Variants in LAMA3 observed in about 807,000 individuals in gnomAD.
LAMA3 encodes the protein laminin subunit alpha-3.
A neutral mutation model predicts 402.0 loss-of-function variants in LAMA3; 281 were observed. The observed-to-expected ratio is 0.70, with a 90% CI of 0.63 to 0.77. The LOEUF (loss-of-function observed/expected upper bound fraction) is 0.77. Ranked by LOEUF, LAMA3 falls within the 30% of genes least tolerant of loss-of-function variation. LAMA3 has a pLI of 0.00. For synonymous variants in LAMA3, 1,431 were observed against 1,558.4 expected (o/e 0.92, Z 1.93); for missense variants, 3,840 against 4,215.5 (o/e 0.91, Z 2.47).
rs2060547106 is a variant in LAMA3 at position 23,689,908 on chromosome 18, GC to G, written c.229del (p.Gln77SerfsTer81). ...GGGAGAGGGGACCCGGCGAGGGGAG[GC>G]CCCAGCCCGAGCTCTACTGCAAGTT... is the stretch of plus-strand genomic sequence containing the variant. The part of the protein sequence containing the change: ...CGERGPGEGR[P>X]QPELYCKLVG... On this transcript the variant is annotated frameshift_variant, in exon 1 of 75. Transcript: ENST00000313654. LOFTEE classifies it high-confidence loss of function. The G allele has an allele frequency of 1.3e-6, 2 of 1,534,434 alleles. No individual in the cohort carries two copies. The highest frequency in any genetic ancestry group is 8.8e-7 in the Non-Finnish European group (1 of 1,140,658).
At chr18:23,870,947 T>C (rs564433962) in intron 37 of LAMA3, among the ~76,000 whole-genome samples, 22 of 152,344 alleles carry the variant, frequency 1.4e-4, no homozygotes, top group African/African-American at 5.1e-4. Context: ...CAGTTAAAAA[T>C]GGTTAAGATG....
chr18:23,934,707 A>G (rs2082262161), intron 67 of LAMA3, among the ~76,000 whole-genome samples: 1 of 152,238 alleles, frequency 6.6e-6, no homozygotes, highest in African/African-American at 2.4e-5. Context: ...AAATCCTTCA[A>G]TAACCTTATG....
At chr18:23,805,078 C>T (rs1196128482) in intron 12 of LAMA3, among the ~76,000 whole-genome samples, 1 of 152,118 alleles carries the variant, frequency 6.6e-6, no homozygotes, top group Non-Finnish European at 1.5e-5. Flanking sequence ...ATATTGCTGG[C>T]CTGGCCAGTT....
At chr18:23,840,875 A>G (rs2063686685) in intron 27 of LAMA3, among the ~76,000 whole-genome samples, 1 of 152,226 alleles carries the variant, frequency 6.6e-6, no homozygotes, top group Non-Finnish European at 1.5e-5. Context: ...CATTATATTT[A>G]TGGGTTGAGC....
intron 8 of LAMA3, among the ~76,000 whole-genome samples, chr18:23,772,973 T>C (rs1598761043): frequency 6.6e-6 from 1 of 152,222 alleles, no homozygotes; most frequent in Non-Finnish European, 1.5e-5. Flanking sequence ...CATGCCTCCA[T>C]TTTCCATTCA....
intron 7 of LAMA3, 35 bp downstream of exon 7, chr18:23,758,546 C>T (rs746162068): frequency 1.5e-6 from 2 of 1,351,630 alleles, no homozygotes; most frequent in Non-Finnish European, 2.0e-6. Flanking sequence ...CCACACGTGG[C>T]CTTCTCCCCC....
chr18:23,929,746 C>A (rs2082109241), intron 64 of LAMA3, among the ~76,000 whole-genome samples: 2 of 152,320 alleles, frequency 1.3e-5, no homozygotes, highest in African/African-American at 4.8e-5. Context: ...CACATGCTAA[C>A]ACTTAGACTA....
At chr18:23,760,767 A>T (rs952838653) in intron 7 of LAMA3, among the ~76,000 whole-genome samples, 26 of 152,358 alleles carry the variant, frequency 1.7e-4, no homozygotes, top group Middle Eastern at 3.4e-3. Context: ...TAGCTTATAA[A>T]CAATAGCCTC....
intron 29 of LAMA3, among the ~76,000 whole-genome samples, chr18:23,844,095 G>C (rs1336749233): frequency 1.3e-5 from 2 of 152,172 alleles, no homozygotes; most frequent in African/African-American, 2.4e-5. Flanking sequence ...TGTTCATTTT[G>C]CATCCCTTGT....
chr18:23,832,878 A>C (rs1362668979), intron 23 of LAMA3, among the ~76,000 whole-genome samples: 2 of 152,240 alleles, frequency 1.3e-5, no homozygotes, highest in Non-Finnish European at 2.9e-5. Flanking sequence ...TCATAGTAAA[A>C]AGCAATAATC....
intron 1 of LAMA3, among the ~76,000 whole-genome samples, chr18:23,697,553 A>T (rs2060706582): frequency 6.6e-6 from 1 of 152,090 alleles, no homozygotes; most frequent in Admixed American, 6.5e-5. Flanking sequence ...CTCATCCAAA[A>T]ATCCAAAATC....
intron 8 of LAMA3, among the ~76,000 whole-genome samples, 198 bp downstream of exon 8, chr18:23,763,721 T>A (rs907876539): frequency 6.6e-6 from 1 of 152,198 alleles, no homozygotes; most frequent in Non-Finnish European, 1.5e-5. Flanking sequence ...CTGAGGTATG[T>A]TTACCCACAC....
intron 1 of LAMA3, among the ~76,000 whole-genome samples, chr18:23,713,267 G>A (rs774876477): frequency 1.3e-5 from 2 of 152,190 alleles, no homozygotes; most frequent in Non-Finnish European, 2.9e-5. Flanking sequence ...AACAAGACCA[G>A]CCGGCCCCTG....
At chr18:23,941,324 GCGCC>G (rs1324630694) in intron 68 of LAMA3, among the ~76,000 whole-genome samples, 3 of 28,264 alleles carry the variant, frequency 1.1e-4, no homozygotes, top group Admixed American at 8.6e-4. Flanking sequence ...CATCAGCTTG[GCGCC>G]CCCCCCCCGC....
chr18:23,838,696 GC>G (rs1411780168), intron 25 of LAMA3, 84 bp from the exon 26 acceptor site: 3 of 761,814 alleles, frequency 3.9e-6, no homozygotes, highest in African/African-American at 1.7e-5. Context: ...TTACTTAATA[GC>G]TTTTTTAAAA....
intron 62 of LAMA3, among the ~76,000 whole-genome samples, chr18:23,926,087 C>T (rs1184067025): frequency 6.6e-6 from 1 of 152,192 alleles, no homozygotes; most frequent in African/African-American, 2.4e-5. Flanking sequence ...AAGGAATTAG[C>T]AGAGGTCAGC....
rs2082410665 is a variant in LAMA3, at chr18:23,939,288, A to G, written c.8928A>G (p.Pro2976=). 6.8e-6 allele frequency: 11 copies of G among 1,614,166 alleles called. No individual in the cohort carries two copies. The highest frequency in any genetic ancestry group is 1.6e-4 in the Middle Eastern group (1 of 6,062). The change falls in exon 68 of 75, where the codon CCA becomes CCG. Residue 2976 remains proline (P), a synonymous_variant. Coordinates refer to ENST00000313654, the MANE Select transcript of LAMA3 (RefSeq NM_198129.4). ...SVKVWQDACS[P]LPKTQANHGA... ...AGGTGTGGCAAGATGCTTGCTCACC[A>G]CTTCCCAAGACCCAGGCCAATCATG...
At chr18:23,698,205 T>C (rs887066859) in intron 1 of LAMA3, among the ~76,000 whole-genome samples, 222 of 139,782 alleles carry the variant, frequency 1.6e-3, no homozygotes, top group Non-Finnish European at 2.7e-3. Context: ...TCTTCTTCTT[T>C]TTTTTTTTTT....
At chr18:23,872,170 A>G (rs967950968) in intron 38 of LAMA3, among the ~76,000 whole-genome samples, 3 of 152,312 alleles carry the variant, frequency 2.0e-5, no homozygotes, top group Middle Eastern at 6.8e-3. Flanking sequence ...TGCTTTCCCA[A>G]TAACTGACCT....
Sources: allele counts gnomAD v4.1 joint callset (sites outside exome capture counted in the v4.1 genomes callset), GRCh38; gene constraint gnomAD v4.1.1; transcripts MANE v1.5; gene names NCBI Gene and HGNC (gene_info 2026-07-23, HGNC 2026-07-21).